Variants in PHC3 observed in about 807,000 individuals in gnomAD.
PHC3 encodes the protein polyhomeotic-like protein 3.
In PHC3, 13 loss-of-function variants were observed where a neutral mutation model predicts 107.4. That is an observed-to-expected ratio of 0.12 (90% CI 0.08 to 0.19). The LOEUF (loss-of-function observed/expected upper bound fraction) is 0.19, where lower values mean the gene tolerates loss of function less well. PHC3 is among the 10% of genes least tolerant of loss of function. The pLI, the probability that PHC3 is intolerant of heterozygous loss-of-function variation, is 1.00. For synonymous variants in PHC3, 456 were observed against 427.4 expected (o/e 1.07, Z -0.83); for missense variants, 992 against 1,210.9 (o/e 0.82, Z 2.68).
intron 12 of PHC3, among the ~76,000 whole-genome samples, chr3:170,105,093 G>C (rs1441270720): frequency 6.6e-6 from 1 of 152,166 alleles, no homozygotes. Context: ...TAATGTGACA[G>C]CTCAGCAATC....
At position 170,122,620 on chromosome 3, in the gene PHC3, TCTC is replaced by T; in HGVS notation, c.1910_1912del (p.Gly637del). On this transcript the variant is annotated inframe_deletion, in exon 9 of 15. Transcript: ENST00000495893. Reference sequence around the variant, plus strand: ...CAAAGGATGTTCAGAAGTCAAATCTTCTCCTCTCCCCACTGTTATAGCTGCTGG... The same window carrying T: ...CAAAGGATGTTCAGAAGTCAAATCTTCTCTCCCCACTGTTATAGCTGCTGG... The T allele has an allele frequency of 6.2e-7, 1 of 1,613,930 alleles. No homozygotes were observed. Among genetic ancestry groups the T allele is most frequent in the Non-Finnish European group, 8.5e-7 (1 of 1,179,874 alleles).
rs148039100 is a variant in PHC3, at chr3:170,115,877, TCACACACACACA to T, written c.2193+1337_2193+1348del. Among the ~76,000 whole-genome samples the T allele has an allele frequency of 2.6e-4, 38 of 148,570 alleles. 2 individuals carry two copies. In the South Asian group the frequency reaches 7.3e-3, roughly 29 times the overall value. On this transcript the variant is annotated intron_variant, in intron 10 of 14. Coordinates refer to ENST00000495893, the MANE Select transcript of PHC3 (RefSeq NM_024947.4). ...AATTGTTATAGGAAATCCAAGTTTC[TCACACACACACA>T]CACACACACACACACGAAATTGAAC...
Position 170,122,635 on chromosome 3 carries a change from G to A in PHC3, c.1898C>T (p.Thr633Ile). The A allele has an allele frequency of 6.2e-7, 1 of 1,613,918 alleles. No individual in the cohort carries two copies. Among genetic ancestry groups the A allele is most frequent in the Non-Finnish European group, 8.5e-7 (1 of 1,179,852 alleles). The change falls in exon 9 of 15, where the codon ACA (threonine) becomes ATA (isoleucine). Residue 633 changes from threonine (T) to isoleucine (I), a missense_variant. Around this residue, in one of 6 missense-constraint regions of PHC3, gnomAD observed 543 missense variants for 590.8 expected, o/e 0.92. Transcript: ENST00000495893. ...PPPTLSPAAITVGRGEDLTSE... is the reference protein window; with the variant it reads ...PPPTLSPAAIIVGRGEDLTSE... ...AGTCAAATCTTCTCCTCTCCCCACT[G>A]TTATAGCTGCTGGAGACAAAGTGGG... is the stretch of plus-strand genomic sequence containing the variant.
intron 4 of PHC3, among the ~76,000 whole-genome samples, chr3:170,153,378 A>G (rs1488379276): frequency 6.6e-6 from 1 of 152,074 alleles, no homozygotes; most frequent in African/African-American, 2.4e-5. Flanking sequence ...GATTACTTTA[A>G]TATCTGCAAA....
At chr3:170,159,715 T>C (rs560889925) in intron 4 of PHC3, among the ~76,000 whole-genome samples, 27 of 152,252 alleles carry the variant, frequency 1.8e-4, no homozygotes, top group African/African-American at 6.3e-4. Context: ...TCTAGACACA[T>C]TGCCATGAAA....
At chr3:170,176,817 G>C (rs1730556470) in intron 2 of PHC3, 1 of 433,966 alleles carries the variant, frequency 2.3e-6, no homozygotes, top group Non-Finnish European at 4.6e-6. Context: ...TAATCTCAAA[G>C]ATACTTCATT....
intron 10 of PHC3, 196 bp downstream of exon 10, chr3:170,117,030 G>T: frequency 1.6e-6 from 1 of 616,902 alleles, no homozygotes; most frequent in Non-Finnish European, 2.6e-6. Flanking sequence ...CTTAGTTTAT[G>T]CATCTAAACT....
In PHC3 at chr3:170,097,221, A is replaced by G. The variant is rs1470181056; in HGVS notation, c.*9T>C. ...AAAACTGCTGTTTTATCAAGGCTTC[A>G]TGTTCCTGTTAAGATTCCTTCAGAG... On this transcript the variant is annotated 3_prime_UTR_variant, in exon 15 of 15. Transcript: ENST00000495893. This position sits in a 1 kb window ranked among gnomAD's most constrained non-coding sequence, Gnocchi z 4.1. The G allele has an allele frequency of 6.3e-7, 1 of 1,594,008 alleles. No individual in the cohort carries two copies. The highest frequency in any genetic ancestry group is 8.6e-7 in the Non-Finnish European group (1 of 1,166,434).
At chr3:170,180,962 A>T (rs759387984) in intron 1 of PHC3, among the ~76,000 whole-genome samples, 1 of 152,212 alleles carries the variant, frequency 6.6e-6, no homozygotes, top group Non-Finnish European at 1.5e-5. Flanking sequence ...ATACCTGCAA[A>T]ATACAGCCAG....
Position 170,172,414 on chromosome 3 carries a change from G to T in PHC3, c.336+143C>A, listed in dbSNP as rs114354087. 4 of 833,462 alleles carry T rather than the reference G, an allele frequency of 4.8e-6. No individual in the cohort carries two copies. In the African/African-American group the frequency reaches 5.3e-5, roughly 11 times the overall value. The allele number at this position is 833,462 out of a possible 1,614,324, so 51.6% of individuals were successfully genotyped here. ...CCTTTTTCTCAATTAACTTCTATTC[G>T]GCAACCTATTAATATATTTCCTCCG... On this transcript the variant is annotated intron_variant, in intron 3 of 14. Transcript: ENST00000495893.
intron 14 of PHC3, chr3:170,102,132 A>G (rs772528142): frequency 6.1e-6 from 6 of 982,640 alleles, no homozygotes; most frequent in Non-Finnish European, 7.3e-6. Flanking sequence ...ATAGAAAAAT[A>G]GAAGAGCAGA....
At position 170,171,458 on chromosome 3, in the gene PHC3, A is replaced by C; in HGVS notation, c.337-8T>G. 2 of 1,572,802 alleles carry C rather than the reference A, an allele frequency of 1.3e-6. No homozygotes were observed. Among genetic ancestry groups the C allele is most frequent in the Non-Finnish European group, 1.7e-6 (2 of 1,160,870 alleles). On this transcript the variant is annotated splice_polypyrimidine_tract_variant and splice_region_variant and intron_variant, in intron 3 of 14. Coordinates refer to ENST00000495893, the MANE Select transcript of PHC3 (RefSeq NM_024947.4). ...TCCACTGGACAAACTTGCCTAAAAT[A>C]GTAAGACTTTTAGAATATGTCGGTA...
rs1714125527 is a variant in PHC3 at position 170,091,836 on chromosome 3, A to G, written c.*5394T>C. On this transcript the variant is annotated 3_prime_UTR_variant, in exon 15 of 15. Coordinates refer to ENST00000495893, the MANE Select transcript of PHC3 (RefSeq NM_024947.4). ...AACGGATTAGGTTCTAAAAACTAAT[A>G]TGTAAAACTTTGAAAATTCTTAAAA... 1 of 152,198 alleles carries G rather than the reference A, an allele frequency of 6.6e-6. No individual in the cohort carries two copies. Among genetic ancestry groups the G allele is most frequent in the Admixed American group, 6.5e-5 (1 of 15,278 alleles). 9.4% of individuals were successfully genotyped at this position (152,198 alleles called of 1,614,324 possible).
chr3:170,122,620 T>C lies in PHC3; in HGVS notation c.1913A>G (p.Glu638Gly). ...CAAAGGATGTTCAGAAGTCAAATCTTCTCCTCTCCCCACTGTTATAGCTGC... is the reference window on the plus strand; with the variant it reads ...CAAAGGATGTTCAGAAGTCAAATCTCCTCCTCTCCCCACTGTTATAGCTGC... Reference protein sequence around the residue: ...SPAAITVGRGEDLTSEHPLLE... With the variant: ...SPAAITVGRGGDLTSEHPLLE... The change falls in exon 9 of 15, where the codon GAA (glutamate) becomes GGA (glycine). Residue 638 changes from glutamate to glycine, a missense_variant. Physicochemically the swap from Glu to Gly is moderately conservative, Grantham distance 98. Transcript: ENST00000495893. 6.2e-7 allele frequency: 1 copy of C among 1,613,930 alleles called. No individual in the cohort carries two copies.
chr3:170,099,799 T>C (rs1715188370), intron 14 of PHC3, among the ~76,000 whole-genome samples: 1 of 152,220 alleles, frequency 6.6e-6, no homozygotes, highest in South Asian at 2.1e-4. Flanking sequence ...CCAATACTGA[T>C]ATTACAAAAA....
chr3:170,149,286 G>A, intron 4 of PHC3, 42 bp from the exon 5 acceptor site: 1 of 1,549,948 alleles, frequency 6.5e-7, no homozygotes, highest in East Asian at 2.3e-5. Flanking sequence ...TCCATTTCTT[G>A]CTTCCATGTT....
At chr3:170,139,781 A>T (rs1207783759) in intron 6 of PHC3, among the ~76,000 whole-genome samples, 1 of 152,184 alleles carries the variant, frequency 6.6e-6, no homozygotes, top group East Asian at 1.9e-4. Context: ...TTACAAAGTT[A>T]ATTTAGCTGT....
At chr3:170,107,359 A>T (rs911360695) in intron 11 of PHC3, among the ~76,000 whole-genome samples, 7 of 152,314 alleles carry the variant, frequency 4.6e-5, no homozygotes, top group African/African-American at 1.7e-4. Flanking sequence ...CATAGCAGGG[A>T]ACTCTTAATT....
At chr3:170,130,911 A>AT (rs917599781) in intron 7 of PHC3, among the ~76,000 whole-genome samples, 35 of 150,412 alleles carry the variant, frequency 2.3e-4, no homozygotes, top group African/African-American at 6.6e-4. Flanking sequence ...AGACAGGGCA[A>AT]TTTTTTTTTT....
Sources: gnomAD v4.1 joint callset for allele counts (sites outside exome capture counted in the v4.1 genomes callset) on GRCh38, gnomAD v4.1.1 for gene constraint, gnomAD v4.1.1 regional missense constraint, Gnocchi (gnomAD v3.1) non-coding constraint, MANE v1.5 for transcripts, NCBI Gene and HGNC (gene_info 2026-07-23, HGNC 2026-07-21) for gene names.